The following CACNA2D1 variants were observed in gnomAD, a reference collection of about 807,000 sequenced individuals.
The protein encoded by CACNA2D1 is calcium voltage-gated channel auxiliary subunit alpha2delta 1, also known as voltage-dependent calcium channel subunit alpha-2/delta-1.
A neutral mutation model predicts 171.5 loss-of-function variants in CACNA2D1; 53 were observed. The ratio of observed to expected loss-of-function variants is 0.31; its 90% CI spans 0.25 to 0.39. CACNA2D1 has a LOEUF of 0.39. CACNA2D1 is among the 10% of genes least tolerant of loss of function. The pLI is 1.00. For missense variants in CACNA2D1, 903 were observed against 1,299.8 expected, an observed-to-expected ratio of 0.69 and a Z score of 4.69; for synonymous variants, 442 against 443.1, an observed-to-expected ratio of 1.00 and a Z score of 0.03.
chr7:82,013,552 A>G (rs1350227813), intron 13 of CACNA2D1, 42 bp from the exon 14 acceptor site: 2 of 710,278 alleles, frequency 2.8e-6, no homozygotes, highest in Middle Eastern at 8.5e-4. Flanking sequence ...ATGTTACTTT[A>G]TAATAAAGGG....
At chr7:82,274,238 T>C (rs1809027571) in intron 3 of CACNA2D1, among the ~76,000 whole-genome samples, 1 of 152,164 alleles carries the variant, frequency 6.6e-6, no homozygotes, top group Non-Finnish European at 1.5e-5. Context: ...GAGTATCTTT[T>C]GACCACCAAA....
chr7:82,226,123 C>A (rs1802336813), intron 3 of CACNA2D1, among the ~76,000 whole-genome samples: 1 of 152,114 alleles, frequency 6.6e-6, no homozygotes, highest in Non-Finnish European at 1.5e-5. Context: ...CCTTCTTGGA[C>A]TTCTTTTGCA....
chr7:82,110,768 A>C (rs895639426), intron 6 of CACNA2D1, among the ~76,000 whole-genome samples: 2 of 152,168 alleles, frequency 1.3e-5, no homozygotes, highest in Non-Finnish European at 2.9e-5. Context: ...ACAGACTTCA[A>C]TTACAAAATT....
At chr7:82,328,550 C>G (rs968458952) in intron 3 of CACNA2D1, among the ~76,000 whole-genome samples, 8 of 152,040 alleles carry the variant, frequency 5.3e-5, no homozygotes, top group African/African-American at 1.2e-4. Flanking sequence ...AAATATTCCG[C>G]CATCTTTTCA....
At chr7:82,120,277 G>A (rs896350091) in intron 5 of CACNA2D1, among the ~76,000 whole-genome samples, 71 of 152,098 alleles carry the variant, frequency 4.7e-4, no homozygotes, top group African/African-American at 1.4e-3. Context: ...ATGTATGTAC[G>A]TATATTTTCA....
chr7:82,334,192 C>A (rs370917181), intron 3 of CACNA2D1, among the ~76,000 whole-genome samples: 1 of 152,054 alleles, frequency 6.6e-6, no homozygotes, highest in Admixed American at 6.5e-5. Context: ...TTCCACATGT[C>A]GGCCAGAATA....
chr7:82,093,130 C>A (rs1811425487), intron 6 of CACNA2D1, among the ~76,000 whole-genome samples: 1 of 151,992 alleles, frequency 6.6e-6, no homozygotes, highest in African/African-American at 2.4e-5. Context: ...CATTATCCAC[C>A]CTCTCACAGA....
chr7:82,350,640 G>A (rs1341223514), intron 1 of CACNA2D1, among the ~76,000 whole-genome samples: 1 of 152,136 alleles, frequency 6.6e-6, no homozygotes, highest in Non-Finnish European at 1.5e-5. Flanking sequence ...ACTCCAGCTC[G>A]GGCGACAGAG....
intron 12 of CACNA2D1, among the ~76,000 whole-genome samples, chr7:82,022,163 T>G (rs1409674414): frequency 6.6e-6 from 1 of 151,514 alleles, no homozygotes; most frequent in Non-Finnish European, 1.5e-5. Context: ...TTTGAGGGAC[T>G]GACAACACTA....
chr7:82,128,438 C>G (rs1168160169), intron 5 of CACNA2D1, among the ~76,000 whole-genome samples: 1 of 152,020 alleles, frequency 6.6e-6, no homozygotes, highest in Non-Finnish European at 1.5e-5. Context: ...TATAAAATGC[C>G]CTTGAGGAAT....
chr7:82,205,020 T>C (rs945184411), intron 3 of CACNA2D1, among the ~76,000 whole-genome samples: 1 of 152,194 alleles, frequency 6.6e-6, no homozygotes, highest in African/African-American at 2.4e-5. Flanking sequence ...AAGGCATAAC[T>C]ACCCTGCTGA....
chr7:82,431,176 G>A (rs1829641209), intron 1 of CACNA2D1, among the ~76,000 whole-genome samples: 1 of 152,120 alleles, frequency 6.6e-6, no homozygotes, highest in South Asian at 2.1e-4. Context: ...GTTTTAGGAG[G>A]AGACATTTTT....
At chr7:82,142,379 A>T (rs1371321023) in intron 4 of CACNA2D1, among the ~76,000 whole-genome samples, 1 of 152,200 alleles carries the variant, frequency 6.6e-6, no homozygotes, top group African/African-American at 2.4e-5. Flanking sequence ...AAATCTGAGC[A>T]AAATAGACCT....
intron 1 of CACNA2D1, among the ~76,000 whole-genome samples, chr7:82,410,842 ACT>A (rs1827568350): frequency 6.6e-6 from 1 of 152,220 alleles, no homozygotes; most frequent in Admixed American, 6.5e-5. Flanking sequence ...GATCCTCATG[ACT>A]GCATTCATTC....
Position 82,356,031 on chromosome 7 carries a change from T to C in CACNA2D1, c.96-6382A>G, listed in dbSNP as rs562608384. Among the ~76,000 whole-genome samples, 4 of 152,180 alleles carry C rather than the reference T, an allele frequency of 2.6e-5. No individual in the cohort carries two copies. The East Asian group carries it at 7.7e-4, about 29-fold the overall frequency. ...TCCCCAGTCATCAGGGTCCATACCA[T>C]CTTATCCCTCCTCCAGTCCTTTGTT... On this transcript the variant is annotated intron_variant, in intron 1 of 38. Transcript: ENST00000356860.
At chr7:81,955,917 G>T (rs1273006753) in intron 38 of CACNA2D1, among the ~76,000 whole-genome samples, 1 of 82,120 alleles carries the variant, frequency 1.2e-5, no homozygotes, top group African/African-American at 4.7e-5. Flanking sequence ...GGGGGGGGGG[G>T]GGGTGGTGGT....
intron 10 of CACNA2D1, among the ~76,000 whole-genome samples, chr7:82,039,926 A>C (rs1803738448): frequency 6.6e-6 from 1 of 152,226 alleles, no homozygotes; most frequent in Non-Finnish European, 1.5e-5. Context: ...GTCTAATGGA[A>C]ATGCTGAAGA....
At chr7:82,106,372 A>C (rs956963455) in intron 6 of CACNA2D1, among the ~76,000 whole-genome samples, 3 of 151,946 alleles carry the variant, frequency 2.0e-5, no homozygotes, top group Admixed American at 2.0e-4. Context: ...ATTTAAGATT[A>C]TCTCTCTTCT....
intron 3 of CACNA2D1, among the ~76,000 whole-genome samples, chr7:82,199,473 C>G (rs751365634): frequency 3.3e-5 from 5 of 152,006 alleles, no homozygotes; most frequent in Non-Finnish European, 4.4e-5. Context: ...AGCTTTTATT[C>G]TTTAATAAAC....
Sources: gnomAD v4.1 joint callset for allele counts (sites outside exome capture counted in the v4.1 genomes callset) on GRCh38, gnomAD v4.1.1 for gene constraint, MANE v1.5 for transcripts, NCBI Gene and HGNC (gene_info 2026-07-23, HGNC 2026-07-21) for gene names.